The following CCDC15 variants were observed in gnomAD, a reference collection of about 807,000 sequenced individuals.
The protein encoded by CCDC15 is coiled-coil domain-containing protein 15.
In CCDC15, 105 loss-of-function variants were observed where a neutral mutation model predicts 114.5. That is an observed-to-expected ratio of 0.92 (90% CI 0.78 to 1.08). The LOEUF is 1.08. Ranked by LOEUF, CCDC15 falls within the 50% of genes least tolerant of loss-of-function variation. CCDC15 has a pLI of 0.00. For synonymous variants in CCDC15, 334 were observed against 377.8 expected (o/e 0.88, Z 1.34); for missense variants, 1,105 against 1,093.6 (o/e 1.01, Z -0.15).
At chr11:124,983,794 C>T (rs12786248) in intron 6 of CCDC15, among the ~76,000 whole-genome samples, 30,828 of 152,000 alleles carry the variant, frequency 0.2, 3,718 homozygotes, top group African/African-American at 0.33. Flanking sequence ...GGGTACACGC[C>T]GTGGTGGGGT....
At position 124,954,851 on chromosome 11, in the gene CCDC15, T is replaced by C; in HGVS notation, c.119T>C (p.Val40Ala). ...AVLAERNEAI[V>A]PVGAWVEPAS... ...CTGGCTGAGAGGAACGAGGCTATAG[T>C]ACCAGTTGGGGCATGGGTGGAACCT... The change falls in exon 2 of 16, where the codon GTA becomes GCA. Residue 40 changes from valine (V) to alanine (A), a missense_variant. Transcript: ENST00000344762. The C allele has an allele frequency of 1.2e-6, 2 of 1,613,998 alleles. No individual in the cohort carries two copies. Among genetic ancestry groups the C allele is most frequent in the South Asian group, 1.1e-5 (1 of 91,074 alleles).
At chr11:124,996,977 A>G (rs950984890) in intron 11 of CCDC15, among the ~76,000 whole-genome samples, 1 of 152,200 alleles carries the variant, frequency 6.6e-6, no homozygotes, top group African/African-American at 2.4e-5. Flanking sequence ...ACCTTCCTGT[A>G]CAGTATGAAT....
intron 6 of CCDC15, 140 bp from the exon 7 acceptor site, chr11:124,986,599 TAGC>T (rs1948160020): frequency 1.2e-6 from 1 of 850,282 alleles, no homozygotes; most frequent in African/African-American, 1.8e-5. Flanking sequence ...AAAATTATAA[TAGC>T]AGTGACCTGA....
chr11:125,019,833 A>G (rs564885443), intron 13 of CCDC15, among the ~76,000 whole-genome samples: 1 of 151,926 alleles, frequency 6.6e-6, no homozygotes, highest in Admixed American at 6.6e-5. Flanking sequence ...TATTCTTATT[A>G]GTGATTGCTC....
At chr11:125,014,960 C>G (rs1304327264) in intron 13 of CCDC15, among the ~76,000 whole-genome samples, 7 of 152,058 alleles carry the variant, frequency 4.6e-5, no homozygotes, top group African/African-American at 1.4e-4. Flanking sequence ...TGTTCTGTAA[C>G]TTTAGTGATA....
chr11:124,999,385 A>T (rs1948432958), intron 11 of CCDC15, among the ~76,000 whole-genome samples: 1 of 152,094 alleles, frequency 6.6e-6, no homozygotes, highest in South Asian at 2.1e-4. Flanking sequence ...TTCCTTCTGC[A>T]ACTCCAGTTA....
intron 13 of CCDC15, 116 bp downstream of exon 13, chr11:125,005,328 T>C (rs1948543153): frequency 4.0e-6 from 2 of 500,502 alleles, no homozygotes; most frequent in Non-Finnish European, 7.1e-6. Flanking sequence ...AAACAGCTAT[T>C]TTTGATCTGG....
chr11:124,960,078 G>T (rs553790224), intron 4 of CCDC15, 75 bp downstream of exon 4: 369 of 1,154,822 alleles, frequency 3.2e-4, no homozygotes, highest in Non-Finnish European at 4.2e-4. Context: ...GACATCTAGG[G>T]TATGAGGTAG....
rs1333492495 is a variant in CCDC15, at chr11:124,967,056, G to A, written c.516+7053G>A. Among the ~76,000 whole-genome samples, 3 of 152,092 alleles carry A rather than the reference G, an allele frequency of 2.0e-5. No homozygotes were observed. In the East Asian group the frequency reaches 5.8e-4, roughly 29 times the overall value. On this transcript the variant is annotated intron_variant, in intron 4 of 15. Coordinates refer to ENST00000344762, the MANE Select transcript of CCDC15 (RefSeq NM_025004.3). Reference sequence around the variant, plus strand: ...TTTGTGGGTAACCCGACCTTCTCTGGCTGACCTTAACATTTTTTCCTTCAT... The same window carrying A: ...TTTGTGGGTAACCCGACCTTCTCTGACTGACCTTAACATTTTTTCCTTCAT...
intron 11 of CCDC15, 110 bp downstream of exon 11, chr11:124,993,353 G>C (rs11219864): frequency 0.22 from 145,668 of 669,796 alleles, 18,253 homozygotes; most frequent in African/African-American, 0.44. Context: ...AAGATTGACA[G>C]GGCAATGTAA....
chr11:124,986,728 G>A lies in CCDC15; in HGVS notation c.754-14G>A. ...GCGCGCGCGCGTGCGCGTTTTCATT[G>A]TTTTTTTCTTTAGGAACTTGACTAT... On this transcript the variant is annotated splice_polypyrimidine_tract_variant and intron_variant, in intron 6 of 15. Transcript: ENST00000344762. 2 of 1,493,942 alleles carry A rather than the reference G, an allele frequency of 1.3e-6. No individual in the cohort carries two copies. The highest frequency in any genetic ancestry group is 1.8e-6 in the Non-Finnish European group (2 of 1,116,418). The allele number at this position is 1,493,942 out of a possible 1,614,324, so 92.5% of individuals were successfully genotyped here. A position where few individuals can be genotyped will look rare whatever the true frequency, so the allele number is the denominator to read the frequency against.
At chr11:124,977,644 A>G in intron 6 of CCDC15, 44 bp downstream of exon 6, 1 of 1,571,030 alleles carries the variant, frequency 6.4e-7, no homozygotes. Context: ...TTGGCTTATT[A>G]GAAGTATCCA....
intron 6 of CCDC15, among the ~76,000 whole-genome samples, chr11:124,977,995 A>G (rs952086172): frequency 2.6e-5 from 4 of 151,764 alleles, no homozygotes; most frequent in African/African-American, 7.3e-5. Context: ...TCCCATCCTC[A>G]CCCTCCTTTC....
chr11:125,021,051 T>G (rs1565381059), intron 13 of CCDC15, among the ~76,000 whole-genome samples: 1 of 151,656 alleles, frequency 6.6e-6, no homozygotes, highest in Non-Finnish European at 1.5e-5. Context: ...TAGATGGTAG[T>G]GTATAGTAAC....
At chr11:124,970,940 G>A (rs1237909410) in intron 4 of CCDC15, among the ~76,000 whole-genome samples, 2 of 152,124 alleles carry the variant, frequency 1.3e-5, no homozygotes, top group African/African-American at 2.4e-5. Context: ...TTAAAGTTAT[G>A]TTTCTGTGTG....
intron 6 of CCDC15, among the ~76,000 whole-genome samples, chr11:124,978,551 G>T (rs752148239): frequency 5.3e-5 from 8 of 152,064 alleles, no homozygotes; most frequent in Non-Finnish European, 7.4e-5. Context: ...TCTGACTGGT[G>T]TGAGATGGTA....
At chr11:125,023,932 A>T (rs1213924900) in intron 13 of CCDC15, among the ~76,000 whole-genome samples, 2 of 152,008 alleles carry the variant, frequency 1.3e-5, no homozygotes, top group African/African-American at 4.8e-5. Flanking sequence ...GGATACAGAG[A>T]TAGAAAAGTT....
Position 124,959,199 on chromosome 11 carries a change from A to C in CCDC15, c.262A>C (p.Lys88Gln). Residue 88 changes from lysine to glutamine, a missense_variant, in exon 3 of 16, where the codon AAA becomes CAA. Physicochemically the swap from Lys to Gln is moderately conservative, Grantham distance 53 (BLOSUM62 1). Coordinates refer to ENST00000344762, the MANE Select transcript of CCDC15 (RefSeq NM_025004.3). ...EALKHFQKQV[K>Q]YRVNQQIRLR... The stretch of plus-strand genomic sequence containing the variant: ...TTTGAAACATTTTCAGAAACAAGTT[A>C]AATACCGAGTAAATCAACAAATTAG... The C allele has an allele frequency of 6.3e-7, 1 of 1,592,894 alleles. No individual in the cohort carries two copies. The highest frequency in any genetic ancestry group is 1.2e-5 in the South Asian group (1 of 85,560).
intron 4 of CCDC15, among the ~76,000 whole-genome samples, chr11:124,966,195 T>G (rs1156280270): frequency 6.6e-6 from 1 of 152,226 alleles, no homozygotes; most frequent in Admixed American, 6.5e-5. Flanking sequence ...CTGTATATCC[T>G]TGTTAACCTT....
Sources: allele counts gnomAD v4.1 joint callset (sites outside exome capture counted in the v4.1 genomes callset), GRCh38; gene constraint gnomAD v4.1.1; transcripts MANE v1.5; gene names NCBI Gene and HGNC (gene_info 2026-07-23, HGNC 2026-07-21).